PROS1: variants seen among roughly 807,000 people sequenced by gnomAD.
PROS1 encodes vitamin K-dependent protein S.
A neutral mutation model predicts 75.9 loss-of-function variants in PROS1; 29 were observed. The observed-to-expected ratio is 0.38, with a 90% CI of 0.28 to 0.52. The LOEUF (loss-of-function observed/expected upper bound fraction) is 0.52. Ranked by LOEUF, PROS1 falls within the 20% of genes least tolerant of loss-of-function variation. The pLI is 0.83. For synonymous variants in PROS1, 245 were observed against 280.6 expected (o/e 0.87, Z 1.27); for missense variants, 680 against 810.3 (o/e 0.84, Z 1.95).
At chr3:93,879,082 CT>C in intron 13 of PROS1, 80 bp downstream of exon 13, 1 of 1,347,582 alleles carries the variant, frequency 7.4e-7, no homozygotes, top group African/African-American at 1.5e-5. Context: ...CAAAATAGTC[CT>C]TTGAGGTAAA....
intron 3 of PROS1, among the ~76,000 whole-genome samples, chr3:93,913,790 T>C (rs1046707986): frequency 2.0e-5 from 3 of 152,166 alleles, no homozygotes; most frequent in African/African-American, 7.2e-5. Context: ...GTCCAAAGTC[T>C]CATCTAAATC....
At chr3:93,970,641 G>A (rs549157635) in intron 1 of PROS1, among the ~76,000 whole-genome samples, 4 of 152,056 alleles carry the variant, frequency 2.6e-5, no homozygotes, top group South Asian at 2.1e-4. Context: ...CTATGACCGG[G>A]TGACAGTATA....
chr3:93,922,148 T>C (rs996418795), intron 3 of PROS1, among the ~76,000 whole-genome samples: 26 of 152,348 alleles, frequency 1.7e-4, no homozygotes, highest in African/African-American at 5.5e-4. Flanking sequence ...TGGAATCTTA[T>C]TGTTTCTTTA....
At chr3:93,948,369 A>G (rs1709439067) in intron 1 of PROS1, among the ~76,000 whole-genome samples, 1 of 152,290 alleles carries the variant, frequency 6.6e-6, no homozygotes, top group Non-Finnish European at 1.5e-5. Flanking sequence ...TGGTGCTGAG[A>G]AGAATGTATA....
intron 1 of PROS1, among the ~76,000 whole-genome samples, chr3:93,954,522 T>C (rs1002601392): frequency 1.3e-5 from 2 of 152,284 alleles, no homozygotes; most frequent in South Asian, 2.1e-4. Context: ...TGGCTAGCCA[T>C]ATGTAGAAAG....
chr3:93,931,157 C>T (rs960251771), intron 1 of PROS1, among the ~76,000 whole-genome samples: 1 of 152,076 alleles, frequency 6.6e-6, no homozygotes, highest in Non-Finnish European at 1.5e-5. Flanking sequence ...AATTATCATC[C>T]CTATTTTCCT....
intron 12 of PROS1, among the ~76,000 whole-genome samples, chr3:93,881,079 C>T (rs546004243): frequency 6.6e-6 from 1 of 152,254 alleles, no homozygotes; most frequent in Admixed American, 6.5e-5. Flanking sequence ...AACACCAGCA[C>T]TGGGAGGCTG....
chr3:93,910,445 A>G (rs932122733), intron 4 of PROS1, among the ~76,000 whole-genome samples, 174 bp downstream of exon 4: 14 of 152,216 alleles, frequency 9.2e-5, no homozygotes, highest in African/African-American at 3.4e-4. Flanking sequence ...ATACAGGAGC[A>G]TTTACAACTA....
rs1302192853 is a variant in PROS1 at position 93,973,756 on chromosome 3, G to T, written c.-7C>A. 5 of 1,609,102 alleles carry T rather than the reference G, an allele frequency of 3.1e-6. No homozygotes were observed. The highest frequency in any genetic ancestry group is 2.2e-5 in the East Asian group (1 of 44,674). ...GCCCACCCAGGACCCTCATTTCGAA[G>T]CGCGCGGAGGCGCCGGCAGGGACGG... On this transcript the variant is annotated 5_prime_UTR_variant, in exon 1 of 15. Coordinates refer to ENST00000394236, the MANE Select transcript of PROS1 (RefSeq NM_000313.4).
chr3:93,884,794 G>A lies in PROS1; in HGVS notation c.1426C>T (p.Leu476=), dbSNP rs1322574914. The A allele has an allele frequency of 3.1e-6, 5 of 1,613,702 alleles. No individual in the cohort carries two copies. The highest frequency in any genetic ancestry group is 2.2e-5 in the East Asian group (1 of 44,828). The change falls in exon 12 of 15, where the codon CTG becomes TTG. Residue 476 remains leucine (L), a synonymous_variant. Coordinates refer to ENST00000394236, the MANE Select transcript of PROS1 (RefSeq NM_000313.4). ...TAGGAGCCCTTCTCCACAGTAACCA[G>A]GCAATGCTTATTTTGTTTTTCTTGA... The part of the protein sequence containing the change: ...IIQEKQNKHC[L]VTVEKGSYYP...
chr3:93,973,535 C>T, intron 1 of PROS1, 139 bp downstream of exon 1: 1 of 853,716 alleles, frequency 1.2e-6, no homozygotes. Context: ...CGGCTGTTTC[C>T]ATCCGCTGGG....
At chr3:93,930,176 C>T (rs542987518) in intron 1 of PROS1, among the ~76,000 whole-genome samples, 7 of 152,236 alleles carry the variant, frequency 4.6e-5, no homozygotes, top group Non-Finnish European at 7.4e-5. Flanking sequence ...TTATCATGCT[C>T]ATTAAAATAG....
intron 1 of PROS1, among the ~76,000 whole-genome samples, chr3:93,960,602 T>G (rs1709692323): frequency 7.5e-6 from 1 of 133,858 alleles, no homozygotes; most frequent in African/African-American, 2.8e-5. Context: ...ATGGTATAAC[T>G]AAAGATGAAA....
chr3:93,956,033 A>ATAGTAGTAT (rs1709592801), intron 1 of PROS1, among the ~76,000 whole-genome samples: 2 of 152,164 alleles, frequency 1.3e-5, no homozygotes, highest in African/African-American at 4.8e-5. Context: ...ATGTAAATAG[A>ATAGTAGTAT]CTGAATTATA....
intron 6 of PROS1, among the ~76,000 whole-genome samples, chr3:93,903,820 T>C (rs1559934686): frequency 6.6e-6 from 1 of 152,220 alleles, no homozygotes; most frequent in Admixed American, 6.5e-5. Context: ...ACAGTCTTTT[T>C]TTTTTTAATT....
intron 1 of PROS1, among the ~76,000 whole-genome samples, chr3:93,939,342 TC>T (rs1457619914): frequency 6.6e-6 from 1 of 152,066 alleles, no homozygotes; most frequent in African/African-American, 2.4e-5. Context: ...CTCTCGCCCG[TC>T]CCCTCAGTCC....
chr3:93,959,854 C>T (rs1315543392), intron 1 of PROS1, among the ~76,000 whole-genome samples: 2 of 152,148 alleles, frequency 1.3e-5, no homozygotes, highest in African/African-American at 4.8e-5. Context: ...CAGCTGTTAC[C>T]ATATTTTTTC....
intron 1 of PROS1, among the ~76,000 whole-genome samples, chr3:93,930,184 T>C (rs1709085927): frequency 6.6e-6 from 1 of 152,316 alleles, no homozygotes; most frequent in Admixed American, 6.5e-5. Context: ...CTCATTAAAA[T>C]AGAGATTAAG....
chr3:93,927,911 G>GTATATATATATGTGTATATATATA (rs1434621645), intron 1 of PROS1, among the ~76,000 whole-genome samples: 6 of 135,738 alleles, frequency 4.4e-5, no homozygotes, highest in Admixed American at 1.5e-4. Flanking sequence ...GTGTGTGTGT[G>GTATATATATATGTGTATATATATA]TGTATATATA....
Sources: allele counts gnomAD v4.1 joint callset (sites outside exome capture counted in the v4.1 genomes callset), GRCh38; gene constraint gnomAD v4.1.1; transcripts MANE v1.5; gene names NCBI Gene and HGNC (gene_info 2026-07-23, HGNC 2026-07-21).